Variants in COP1 observed in about 807,000 individuals in gnomAD.
COP1 encodes the protein COP1 E3 ubiquitin ligase.
A neutral mutation model predicts 101.3 loss-of-function variants in COP1; 24 were observed. The observed-to-expected ratio is 0.24, with a 90% CI of 0.17 to 0.33. COP1 has a LOEUF of 0.33. Ranked by LOEUF, COP1 falls within the 10% of genes least tolerant of loss-of-function variation. The pLI, the probability that COP1 is intolerant of heterozygous loss-of-function variation, is 1.00. For synonymous variants in COP1, 347 were observed against 341.9 expected (o/e 1.01, Z -0.17); for missense variants, 663 against 906.2 (o/e 0.73, Z 3.45).
At chr1:176,084,957 A>T (rs769610922) in intron 10 of COP1, among the ~76,000 whole-genome samples, 1 of 152,072 alleles carries the variant, frequency 6.6e-6, no homozygotes, top group Non-Finnish European at 1.5e-5. Flanking sequence ...TATATATGTC[A>T]CTTACAATCA....
intron 5 of COP1, among the ~76,000 whole-genome samples, chr1:176,159,136 T>A (rs1189086703): frequency 6.6e-6 from 1 of 152,088 alleles, no homozygotes; most frequent in East Asian, 1.9e-4. Context: ...TCAACTAGAA[T>A]TCAATTACCA....
chr1:176,202,125 A>C (rs969002166), intron 1 of COP1, among the ~76,000 whole-genome samples: 2 of 151,252 alleles, frequency 1.3e-5, no homozygotes, highest in Non-Finnish European at 2.9e-5. Context: ...TTCCACATAC[A>C]TTGCTGCACA....
chr1:176,193,306 T>C (rs1164654656), intron 1 of COP1, among the ~76,000 whole-genome samples: 4 of 152,148 alleles, frequency 2.6e-5, no homozygotes, highest in Non-Finnish European at 4.4e-5. Flanking sequence ...TTAGAACCCT[T>C]ATACATTGCT....
At chr1:176,097,868 C>CAAAAAA (rs35822200) in intron 9 of COP1, among the ~76,000 whole-genome samples, 1 of 79,336 alleles carries the variant, frequency 1.3e-5, no homozygotes, top group Non-Finnish European at 2.3e-5. Flanking sequence ...AACTCCATCT[C>CAAAAAA]AAAAAAAAAA....
intron 1 of COP1, among the ~76,000 whole-genome samples, chr1:176,187,033 C>T (rs952098859): frequency 2.6e-5 from 4 of 152,152 alleles, no homozygotes; most frequent in Non-Finnish European, 5.9e-5. Context: ...TCTACTTATA[C>T]TAAAAGTTAC....
In COP1 at chr1:176,043,733, C is replaced by T; in HGVS notation, c.1507G>A (p.Gly503Arg). ...ACCTGATAGACCTTTGACCTCTGTC[C>T]TGTGAATCCATCCCATAAAATAACA... is the stretch of plus-strand genomic sequence containing the variant. ...GTVILWDGFT[G>R]QRSKVYQEHE... Residue 503 changes from glycine to arginine, a missense_variant, in exon 13 of 20, where the codon GGA (glycine) becomes AGA (arginine). Around this residue, in one of 4 missense-constraint regions of COP1, gnomAD observed 209 missense variants for 383.3 expected, o/e 0.55. Transcript: ENST00000367669. 3.7e-6 allele frequency: 6 copies of T among 1,604,400 alleles called. No homozygotes were observed. The highest frequency in any genetic ancestry group is 5.1e-6 in the Non-Finnish European group (6 of 1,171,338).
intron 15 of COP1, among the ~76,000 whole-genome samples, chr1:176,003,204 G>A (rs972984951): frequency 4.9e-4 from 74 of 149,702 alleles, no homozygotes; most frequent in Non-Finnish European, 9.0e-4. Flanking sequence ...TGATGGGGTT[G>A]TTTTCTTGTA....
At chr1:176,128,926 T>C (rs1486015368) in intron 8 of COP1, among the ~76,000 whole-genome samples, 1 of 151,832 alleles carries the variant, frequency 6.6e-6, no homozygotes, top group Non-Finnish European at 1.5e-5. Context: ...TATGCAAAAA[T>C]AGGCAAGATG....
chr1:176,200,923 T>A (rs1178808045), intron 1 of COP1, among the ~76,000 whole-genome samples: 1 of 152,178 alleles, frequency 6.6e-6, no homozygotes, highest in African/African-American at 2.4e-5. Context: ...AGAGTTTCAC[T>A]ACATTGCCCA....
At chr1:176,198,610 C>T (rs1263869184) in intron 1 of COP1, among the ~76,000 whole-genome samples, 1 of 151,824 alleles carries the variant, frequency 6.6e-6, no homozygotes, top group Non-Finnish European at 1.5e-5. Flanking sequence ...AAACTGAAAA[C>T]TTTATCGATA....
chr1:176,203,482 T>C (rs1171297677), intron 1 of COP1, among the ~76,000 whole-genome samples: 1 of 152,186 alleles, frequency 6.6e-6, no homozygotes, highest in Non-Finnish European at 1.5e-5. Context: ...AAGGCAGTAG[T>C]TATAGAATTG....
intron 5 of COP1, among the ~76,000 whole-genome samples, chr1:176,161,872 C>A (rs886502623): frequency 2.6e-5 from 4 of 152,302 alleles, no homozygotes; most frequent in East Asian, 1.9e-4. Context: ...ACTAGAAGAT[C>A]CCCACCACAG....
intron 18 of COP1, among the ~76,000 whole-genome samples, chr1:175,952,940 TTGTGAG>T (rs1650133378): frequency 6.6e-6 from 1 of 152,028 alleles, no homozygotes; most frequent in Non-Finnish European, 1.5e-5. Context: ...GGGATGAATA[TTGTGAG>T]AAATGGTGAC....
chr1:176,043,119 G>T (rs763529889), intron 14 of COP1, 67 bp downstream of exon 14: 1 of 894,906 alleles, frequency 1.1e-6, no homozygotes, highest in Admixed American at 2.0e-5. Flanking sequence ...TATTTCTGCC[G>T]ATGAAAGGAA....
chr1:176,111,651 C>G (rs1484640281), intron 9 of COP1, among the ~76,000 whole-genome samples: 1 of 152,088 alleles, frequency 6.6e-6, no homozygotes, highest in Non-Finnish European at 1.5e-5. Context: ...CTTAATGATA[C>G]TAAGTTTTAC....
intron 8 of COP1, among the ~76,000 whole-genome samples, chr1:176,126,642 C>T (rs56147487): frequency 9.9e-5 from 15 of 152,054 alleles, no homozygotes; most frequent in Non-Finnish European, 1.5e-4. Flanking sequence ...TTAGTACAGA[C>T]GAGGTTTCAC....
At chr1:175,950,619 T>C (rs1021585073) in intron 18 of COP1, among the ~76,000 whole-genome samples, 3 of 152,216 alleles carry the variant, frequency 2.0e-5, no homozygotes, top group Admixed American at 6.5e-5. Flanking sequence ...CTAAATAAAA[T>C]AAAAGTGTGA....
chr1:176,000,754 T>A (rs1011711336), intron 15 of COP1, among the ~76,000 whole-genome samples: 19 of 152,042 alleles, frequency 1.2e-4, no homozygotes, highest in African/African-American at 4.1e-4. Flanking sequence ...TGTCATTTGC[T>A]CTTTTATGCC....
rs1243630357 is a variant in COP1, at chr1:175,976,615, G to A, written c.2133+10328C>T. 1.2e-4 allele frequency among the ~76,000 whole-genome samples: 19 copies of A among 152,006 alleles called. 1 individual carries two copies. The highest frequency in any genetic ancestry group is 1.0e-3 in the Admixed American group (16 of 15,254). On this transcript the variant is annotated intron_variant, in intron 18 of 19. Transcript: ENST00000367669. ...TCTTATTAGTTGCTATTTTGGTTCA[G>A]TTTGCACCACTATAGTCCTCTACTA...
Sources: allele counts gnomAD v4.1 joint callset (sites outside exome capture counted in the v4.1 genomes callset), GRCh38; gene constraint gnomAD v4.1.1; regional missense constraint gnomAD v4.1.1; transcripts MANE v1.5; gene names NCBI Gene and HGNC (gene_info 2026-07-23, HGNC 2026-07-21).